The following LAMC1 variants were observed in gnomAD, a reference collection of about 807,000 sequenced individuals.
LAMC1 encodes laminin subunit gamma 1.
LAMC1 carries 38 observed loss-of-function variants against 173.6 expected under a neutral mutation model. That is an observed-to-expected ratio of 0.22 (90% CI 0.17 to 0.29). The LOEUF is 0.29. Among genes scored for constraint, LAMC1 ranks in the 10% least tolerant of loss-of-function variants. LAMC1 has a pLI of 1.00. For missense variants in LAMC1, 1,824 were observed against 2,051.8 expected, an observed-to-expected ratio of 0.89 and a Z score of 2.14; for synonymous variants, 746 against 749.1, an observed-to-expected ratio of 1.00 and a Z score of 0.07.
chr1:183,042,155 G>C (rs972673509), intron 1 of LAMC1, among the ~76,000 whole-genome samples: 1 of 152,154 alleles, frequency 6.6e-6, no homozygotes, highest in African/African-American at 2.4e-5. Context: ...AGTGGTTCAG[G>C]ACAGCAGGGT....
At chr1:183,117,950 T>A in intron 10 of LAMC1, 84 bp from the exon 11 acceptor site, 2 of 853,876 alleles carry the variant, frequency 2.3e-6, no homozygotes, top group Non-Finnish European at 3.8e-6. Flanking sequence ...ATTGCATTGT[T>A]GGGGCATAAA....
chr1:183,080,930 C>T (rs1655255357), intron 1 of LAMC1, among the ~76,000 whole-genome samples: 1 of 151,890 alleles, frequency 6.6e-6, no homozygotes, highest in Admixed American at 6.6e-5. Flanking sequence ...CTCTTGTTGC[C>T]CAGGGTGGAG....
Position 183,079,537 on chromosome 1 carries a change from C to A in LAMC1, c.419-23791C>A, listed in dbSNP as rs527472598. On this transcript the variant is annotated intron_variant, in intron 1 of 27. Transcript: ENST00000258341. ...TCCCAAAGTGCTGGGAGGCAATTCA[C>A]CTTCCTCAGCCTCCCAAGTAGCTGG... 7.0e-4 allele frequency among the ~76,000 whole-genome samples: 106 copies of A among 152,076 alleles called. 1 individual carries two copies. Among genetic ancestry groups the A allele is most frequent in the African/African-American group, 2.4e-3 (101 of 41,500 alleles).
rs1418493535 is a variant in LAMC1, at chr1:183,122,226, C to T, written c.2376C>T (p.Cys792=). The change falls in exon 13 of 28, where the codon TGC becomes TGT. Residue 792 remains cysteine (C), a synonymous_variant. Coordinates refer to ENST00000258341, the MANE Select transcript of LAMC1 (RefSeq NM_002293.4). ...TTCCCAAGACAAAGGAGGTGGTGTGCACCAACTGTCCTACTGGCACCACTG... is the reference window on the plus strand; with the variant it reads ...TTCCCAAGACAAAGGAGGTGGTGTGTACCAACTGTCCTACTGGCACCACTG... ...AVVPKTKEVV[C]TNCPTGTTGK... is the part of the protein sequence containing the mutation. 6.2e-7 allele frequency: 1 copy of T among 1,614,004 alleles called. No individual in the cohort carries two copies. Among genetic ancestry groups the T allele is most frequent in the Non-Finnish European group, 8.5e-7 (1 of 1,180,010 alleles).
chr1:183,131,235 C>T, intron 19 of LAMC1, 64 bp from the exon 20 acceptor site: 1 of 1,098,222 alleles, frequency 9.1e-7, no homozygotes, highest in Non-Finnish European at 1.3e-6. Context: ...TTAGTTTTGA[C>T]TCTTGCTTTA....
In LAMC1 at chr1:183,131,280, T is replaced by C. The variant is rs763034589; in HGVS notation, c.3487-19T>C. On this transcript the variant is annotated intron_variant, in intron 19 of 27. Transcript: ENST00000258341. ...AATAATTCAGTCCTTTGAGAATAAG[T>C]GCTTTATTTCCTGTGCAGTCAGTCA... 3 of 1,590,136 alleles carry C rather than the reference T, an allele frequency of 1.9e-6. No homozygotes were observed. Among genetic ancestry groups the C allele is most frequent in the Non-Finnish European group, 1.7e-6 (2 of 1,158,394 alleles).
chr1:183,042,901 C>T (rs1189999373), intron 1 of LAMC1, among the ~76,000 whole-genome samples: 1 of 152,130 alleles, frequency 6.6e-6, no homozygotes, highest in African/African-American at 2.4e-5. Flanking sequence ...GAGCACATCC[C>T]ACATGGGCAT....
intron 1 of LAMC1, among the ~76,000 whole-genome samples, chr1:183,078,014 T>C (rs1655165106): frequency 1.3e-5 from 2 of 151,958 alleles, no homozygotes; most frequent in Non-Finnish European, 2.9e-5. Context: ...TTTTGTTTGC[T>C]TGTGTGTGTT....
chr1:183,133,833 A>C (rs1656866708), intron 22 of LAMC1, among the ~76,000 whole-genome samples: 1 of 152,166 alleles, frequency 6.6e-6, no homozygotes, highest in African/African-American at 2.4e-5. Context: ...ACAAAAACAA[A>C]AACTTACCAA....
chr1:183,071,211 C>T (rs1329578376), intron 1 of LAMC1, among the ~76,000 whole-genome samples: 1 of 151,260 alleles, frequency 6.6e-6, no homozygotes, highest in Admixed American at 6.6e-5. Context: ...GTGATTGATG[C>T]AGAAAGGAAG....
chr1:183,055,820 G>GA lies in LAMC1; in HGVS notation c.418+31696dup, dbSNP rs142967285. On this transcript the variant is annotated intron_variant, in intron 1 of 27. Coordinates refer to ENST00000258341, the MANE Select transcript of LAMC1 (RefSeq NM_002293.4). ...GAGGGAGACTCCGTCTCAAAAAAAA[G>GA]AAAAAAAAAAGAAATAAAGGCATTA... Among the ~76,000 whole-genome samples, 301 of 145,876 alleles carry GA rather than the reference G, an allele frequency of 2.1e-3. 5 individuals are homozygous for GA. In the East Asian group the frequency reaches 0.04, roughly 19 times the overall value.
chr1:183,042,267 A>G (rs1447305893), intron 1 of LAMC1, among the ~76,000 whole-genome samples: 1 of 152,106 alleles, frequency 6.6e-6, no homozygotes, highest in Non-Finnish European at 1.5e-5. Flanking sequence ...GCTGGGTGAT[A>G]GGCCCCTGTG....
chr1:183,096,829 T>C (rs1183210045), intron 1 of LAMC1, among the ~76,000 whole-genome samples: 1 of 152,158 alleles, frequency 6.6e-6, no homozygotes, highest in Non-Finnish European at 1.5e-5. Context: ...AGGAACAGGA[T>C]AATAAGTTTT....
chr1:183,106,983 G>A (rs1655993215), intron 2 of LAMC1, among the ~76,000 whole-genome samples: 1 of 152,122 alleles, frequency 6.6e-6, no homozygotes, highest in African/African-American at 2.4e-5. Context: ...GTGGGCCCTA[G>A]CAGACATGAT....
chr1:183,038,180 C>G (rs1323532706), intron 1 of LAMC1, among the ~76,000 whole-genome samples: 1 of 151,968 alleles, frequency 6.6e-6, no homozygotes, highest in Non-Finnish European at 1.5e-5. Context: ...GGACTACACG[C>G]GTGGGCCACC....
At chr1:183,139,952 T>G (rs555295459) in intron 26 of LAMC1, among the ~76,000 whole-genome samples, 38 of 152,184 alleles carry the variant, frequency 2.5e-4, no homozygotes, top group African/African-American at 8.2e-4. Context: ...CTATGAAAAT[T>G]TTCAAAGAAT....
At chr1:183,033,173 C>T (rs151219329) in intron 1 of LAMC1, among the ~76,000 whole-genome samples, 3 of 152,186 alleles carry the variant, frequency 2.0e-5, no homozygotes, top group Non-Finnish European at 4.4e-5. Flanking sequence ...TCTTTCTCCT[C>T]TGTACCAGAA....
At chr1:183,079,237 T>G (rs1214809383) in intron 1 of LAMC1, among the ~76,000 whole-genome samples, 3 of 17,084 alleles carry the variant, frequency 1.8e-4, no homozygotes, top group Non-Finnish European at 2.4e-4. Context: ...ATCTGGTTTT[T>G]TTTTTTTTTT....
At position 183,081,549 on chromosome 1, in the gene LAMC1, AAAATAAATAAATAAATAAATAAATAAAT is replaced by A. The variant is rs71127333; in HGVS notation, c.419-21750_419-21723del. Among the ~76,000 whole-genome samples the A allele has an allele frequency of 2.3e-4, 32 of 139,638 alleles. 1 individual carries two copies. Among genetic ancestry groups the A allele is most frequent in the African/African-American group, 4.5e-4 (17 of 37,626 alleles). 91.6% of individuals were successfully genotyped at this position (139,638 alleles called of 152,430 possible). ...GGCAACAGAGCGAGACTCCGCCTCA[AAAATAAATAAATAAATAAATAAATAAAT>A]AAATAAATAAATAAATAAATAAATA... On this transcript the variant is annotated intron_variant, in intron 1 of 27. Transcript: ENST00000258341.
Sources: allele counts gnomAD v4.1 joint callset (sites outside exome capture counted in the v4.1 genomes callset), GRCh38; gene constraint gnomAD v4.1.1; transcripts MANE v1.5; gene names NCBI Gene and HGNC (gene_info 2026-07-23, HGNC 2026-07-21).